LRP1B: variants seen among roughly 807,000 people sequenced by gnomAD.
LRP1B encodes the protein low-density lipoprotein receptor-related protein 1B.
Under a neutral mutation model 556.6 loss-of-function variants are expected in LRP1B, and 217 were observed. That is an observed-to-expected ratio of 0.39 (90% confidence interval 0.35 to 0.44). LRP1B has a LOEUF of 0.44. LRP1B is among the 20% of genes least tolerant of loss of function. LRP1B has a pLI of 1.00. For missense variants in LRP1B, 5,053 were observed against 5,620.8 expected, an observed-to-expected ratio of 0.90 and a Z score of 3.23; for synonymous variants, 2,047 against 1,865.8, an observed-to-expected ratio of 1.10 and a Z score of -2.50.
chr2:142,054,026 C>T (rs187765365), intron 1 of LRP1B, among the ~76,000 whole-genome samples: 52 of 152,080 alleles, frequency 3.4e-4, no homozygotes, highest in Non-Finnish European at 5.9e-4. Flanking sequence ...AACCCTCGAT[C>T]ACACTTTAAG....
At chr2:140,362,133 T>G (rs1182095795) in intron 72 of LRP1B, among the ~76,000 whole-genome samples, 1 of 151,820 alleles carries the variant, frequency 6.6e-6, no homozygotes, top group African/African-American at 2.4e-5. Flanking sequence ...CCCAAGCTAC[T>G]AACATAGCTT....
At chr2:141,077,622 T>A (rs1044395764) in intron 7 of LRP1B, among the ~76,000 whole-genome samples, 1 of 152,202 alleles carries the variant, frequency 6.6e-6, no homozygotes, top group African/African-American at 2.4e-5. Context: ...CCTGATTTAA[T>A]CAATTAAAAG....
intron 27 of LRP1B, among the ~76,000 whole-genome samples, chr2:140,860,587 A>G (rs1422757092): frequency 1.3e-5 from 2 of 152,206 alleles, no homozygotes; most frequent in African/African-American, 4.8e-5. Context: ...ACAAAAAGAG[A>G]AAAACATAAT....
intron 2 of LRP1B, among the ~76,000 whole-genome samples, chr2:141,635,198 A>G (rs1257313947): frequency 6.6e-6 from 1 of 152,136 alleles, no homozygotes; most frequent in South Asian, 2.1e-4. Flanking sequence ...AGTGAAAGAC[A>G]GTTTTCCCCA....
At chr2:141,528,416 A>G (rs906514371) in intron 2 of LRP1B, among the ~76,000 whole-genome samples, 1 of 152,028 alleles carries the variant, frequency 6.6e-6, no homozygotes, top group Non-Finnish European at 1.5e-5. Flanking sequence ...TAGAAGTCAG[A>G]TATGTCTATA....
rs114943960 is a variant in LRP1B at position 141,333,855 on chromosome 2, G to A, written c.344-79214C>T. 3.8e-3 allele frequency among the ~76,000 whole-genome samples: 583 copies of A among 152,198 alleles called. 2 individuals are homozygous for A. Among genetic ancestry groups the A allele is most frequent in the African/African-American group, 9.8e-3 (405 of 41,534 alleles). ...TATATTCTTTCACATTTTTGCAGAA[G>A]TGTCTCAGAGTGTGCATATGTGTAT... is the stretch of plus-strand genomic sequence containing the variant. On this transcript the variant is annotated intron_variant, in intron 3 of 90. Transcript: ENST00000389484.
At chr2:140,433,976 T>G (rs985512624) in intron 66 of LRP1B, among the ~76,000 whole-genome samples, 1 of 152,030 alleles carries the variant, frequency 6.6e-6, no homozygotes, top group African/African-American at 2.4e-5. Flanking sequence ...TCCATGGGAG[T>G]GAGAAACCTT....
At chr2:141,716,378 G>A (rs746715218) in intron 2 of LRP1B, among the ~76,000 whole-genome samples, 11 of 152,008 alleles carry the variant, frequency 7.2e-5, no homozygotes, top group Non-Finnish European at 1.3e-4. Context: ...TGAGAGTCAC[G>A]GATGCTAGTG....
chr2:140,265,855 G>A (rs1421361840), intron 86 of LRP1B, among the ~76,000 whole-genome samples: 2 of 151,892 alleles, frequency 1.3e-5, no homozygotes, highest in Non-Finnish European at 2.9e-5. Context: ...CCCTTAGCTG[G>A]ACTTTTTTAT....
chr2:141,127,643 A>G (rs568391714), intron 7 of LRP1B, among the ~76,000 whole-genome samples: 8 of 152,204 alleles, frequency 5.3e-5, no homozygotes, highest in Non-Finnish European at 1.0e-4. Context: ...TGCACACTTA[A>G]TTCTCTTCAA....
At chr2:141,551,089 G>A (rs1332160629) in intron 2 of LRP1B, among the ~76,000 whole-genome samples, 1 of 151,932 alleles carries the variant, frequency 6.6e-6, no homozygotes, top group East Asian at 1.9e-4. Context: ...TAGGAAATAA[G>A]TTATTATGGT....
intron 3 of LRP1B, among the ~76,000 whole-genome samples, chr2:141,414,045 A>G (rs962843698): frequency 1.6e-4 from 24 of 151,942 alleles, no homozygotes; most frequent in African/African-American, 4.3e-4. Flanking sequence ...AGACCATCCT[A>G]GCTAAGACGG....
At chr2:140,279,732 G>A (rs1009958460) in intron 84 of LRP1B, among the ~76,000 whole-genome samples, 1 of 151,736 alleles carries the variant, frequency 6.6e-6, no homozygotes, top group Non-Finnish European at 1.5e-5. Context: ...TGTTTACTTT[G>A]GTTCTAAAGG....
chr2:141,537,972 TAA>T (rs1395553499), intron 2 of LRP1B, among the ~76,000 whole-genome samples: 22 of 152,312 alleles, frequency 1.4e-4, no homozygotes, highest in Admixed American at 3.9e-4. Flanking sequence ...ACCTGTAGGA[TAA>T]AAGTTTTCTC....
chr2:141,507,120 G>C (rs375674928), intron 2 of LRP1B, among the ~76,000 whole-genome samples: 1 of 152,130 alleles, frequency 6.6e-6, no homozygotes. Context: ...AATACAGTAA[G>C]TAAAATAATT....
At chr2:142,016,278 C>T (rs1310943121) in intron 1 of LRP1B, among the ~76,000 whole-genome samples, 1 of 152,042 alleles carries the variant, frequency 6.6e-6, no homozygotes, top group Non-Finnish European at 1.5e-5. Context: ...GGCAATTCCT[C>T]AAGGATCTAG....
At chr2:141,922,304 C>T (rs1700209711) in intron 1 of LRP1B, among the ~76,000 whole-genome samples, 1 of 152,162 alleles carries the variant, frequency 6.6e-6, no homozygotes, top group Non-Finnish European at 1.5e-5. Flanking sequence ...TCTAAACCAA[C>T]AACTATGACA....
chr2:141,309,250 T>C (rs1686718577), intron 3 of LRP1B, among the ~76,000 whole-genome samples: 1 of 152,262 alleles, frequency 6.6e-6, no homozygotes, highest in Non-Finnish European at 1.5e-5. Flanking sequence ...ATCTTGAAAT[T>C]TTAGTTGGAA....
At chr2:141,505,243 G>A (rs1326084654) in intron 2 of LRP1B, among the ~76,000 whole-genome samples, 1 of 150,552 alleles carries the variant, frequency 6.6e-6, no homozygotes, top group African/African-American at 2.4e-5. Flanking sequence ...TTGATCTCCT[G>A]CTCCCTGTAA....
Sources: allele counts gnomAD v4.1 joint callset (sites outside exome capture counted in the v4.1 genomes callset), GRCh38; gene constraint gnomAD v4.1.1; transcripts MANE v1.5; gene names NCBI Gene and HGNC (gene_info 2026-07-23, HGNC 2026-07-21).